Variants in UTRN observed in about 807,000 individuals in gnomAD.
UTRN encodes the protein dystrophin-related protein 1.
Under a neutral mutation model 463.9 loss-of-function variants are expected in UTRN, and 283 were observed. The observed-to-expected ratio is 0.61, with a 90% CI of 0.55 to 0.67. UTRN has a LOEUF of 0.67. Ranked by LOEUF, UTRN falls within the 30% of genes least tolerant of loss-of-function variation. UTRN has a pLI of 0.00. For synonymous variants in UTRN, 1,442 were observed against 1,431.5 expected, an observed-to-expected ratio of 1.01 and a Z score of -0.17; for missense variants, 3,922 against 4,084.3, an observed-to-expected ratio of 0.96 and a Z score of 1.08.
At chr6:144,477,508 T>TTC (rs892865656) in intron 25 of UTRN, among the ~76,000 whole-genome samples, 3 of 150,668 alleles carry the variant, frequency 2.0e-5, no homozygotes, top group Non-Finnish European at 4.4e-5. Context: ...CACATTTGCT[T>TTC]TCTCTCTCTC....
intron 2 of UTRN, among the ~76,000 whole-genome samples, chr6:144,392,277 C>T (rs1218272801): frequency 6.6e-6 from 1 of 152,082 alleles, no homozygotes; most frequent in African/African-American, 2.4e-5. Flanking sequence ...TTTTATTAGA[C>T]AATGTTGTCT....
At chr6:144,828,293 A>G in intron 68 of UTRN, among the ~76,000 whole-genome samples, 1 of 152,142 alleles carries the variant, frequency 6.6e-6, no homozygotes, top group Non-Finnish European at 1.5e-5. Flanking sequence ...GAGCTGGGAA[A>G]GGGCATGGTT....
chr6:144,447,044 A>G (rs186514722), intron 14 of UTRN, among the ~76,000 whole-genome samples, 167 bp from the exon 15 acceptor site: 3 of 152,338 alleles, frequency 2.0e-5, no homozygotes, highest in African/African-American at 7.2e-5. Flanking sequence ...AAAGAAAGGT[A>G]TCTTTCTGGG....
At chr6:144,702,055 G>A (rs981592770) in intron 53 of UTRN, among the ~76,000 whole-genome samples, 7 of 151,970 alleles carry the variant, frequency 4.6e-5, no homozygotes, top group Non-Finnish European at 1.0e-4. Context: ...GTCCCTTTTT[G>A]TGGGTTACAG....
chr6:144,578,340 G>A (rs147735787), intron 51 of UTRN, among the ~76,000 whole-genome samples: 152 of 152,168 alleles, frequency 1.0e-3, no homozygotes, highest in Middle Eastern at 3.4e-3. Context: ...CTGTGAACAC[G>A]TGTTCCATTG....
At chr6:144,337,447 A>G (rs1161860297) in intron 2 of UTRN, among the ~76,000 whole-genome samples, 1 of 152,036 alleles carries the variant, frequency 6.6e-6, no homozygotes, top group African/African-American at 2.4e-5. Flanking sequence ...CTGAAATACA[A>G]CTTCTAGGAG....
rs1170749457 is a variant in UTRN at position 144,531,079 on chromosome 6, G to C, written c.5934G>C (p.Trp1978Cys). Residue 1978 changes from tryptophan to cysteine, a missense_variant, in exon 42 of 75, where the codon TGG (tryptophan) becomes TGC (cysteine). Transcript: ENST00000367545. ...KGCFDRAMEE[W>C]RQFHCDLNDL... ...GTTTTGACAGGGCAATGGAAGAATG[G>C]AGACAGTTCCATTGTGACCTTAATG... is the stretch of plus-strand genomic sequence containing the variant. 2 of 1,613,910 alleles carry C rather than the reference G, an allele frequency of 1.2e-6. No individual in the cohort carries two copies. Among genetic ancestry groups the C allele is most frequent in the South Asian group, 1.1e-5 (1 of 91,056 alleles).
At chr6:144,473,056 G>A (rs1401984337) in intron 23 of UTRN, among the ~76,000 whole-genome samples, 2 of 152,116 alleles carry the variant, frequency 1.3e-5, no homozygotes, top group African/African-American at 4.8e-5. Flanking sequence ...GTGAGCCACC[G>A]TACCTGGCCC....
chr6:144,771,025 G>C (rs1178503320), intron 58 of UTRN, among the ~76,000 whole-genome samples: 2 of 152,178 alleles, frequency 1.3e-5, no homozygotes, highest in Non-Finnish European at 2.9e-5. Context: ...GACTTTTAAG[G>C]TGTAGTGACT....
rs116915711 is a variant in UTRN, at chr6:144,375,877, C to G, written c.80-27246C>G. 5.9e-4 allele frequency among the ~76,000 whole-genome samples: 90 copies of G among 152,336 alleles called. No homozygotes were observed. In the East Asian group the frequency reaches 0.016, roughly 27 times the overall value. On this transcript the variant is annotated intron_variant, in intron 2 of 74. Transcript: ENST00000367545. ...CTTCTGGTCTAGTGCACAGCCTGGT[C>G]TCTGTCAATCAGCACGTTCTGCCTG...
chr6:144,686,550 G>A (rs1028707842), intron 52 of UTRN, among the ~76,000 whole-genome samples: 2 of 151,990 alleles, frequency 1.3e-5, no homozygotes, highest in African/African-American at 4.8e-5. Context: ...AGTAGTAATT[G>A]CTTTCTGAAT....
intron 58 of UTRN, among the ~76,000 whole-genome samples, chr6:144,770,472 T>C (rs922188628): frequency 6.6e-6 from 1 of 152,252 alleles, no homozygotes; most frequent in Non-Finnish European, 1.5e-5. Context: ...TTTAGTTTAC[T>C]AAATAGTTTT....
In UTRN at chr6:144,820,946, A is replaced by G. The variant is rs1174138551; in HGVS notation, c.9422A>G (p.Lys3141Arg). 1 of 1,613,962 alleles carries G rather than the reference A, an allele frequency of 6.2e-7. No individual in the cohort carries two copies. The highest frequency in any genetic ancestry group is 1.6e-4 in the Middle Eastern group (1 of 6,062). ...CTTAAGAACAAGTTCAGGTCGAAGA[A>G]GTACTTTGCCAAACACCCTCGACTT... ...KVLKNKFRSK[K>R]YFAKHPRLGY... Residue 3141 changes from lysine (K) to arginine (R), a missense_variant, in exon 66 of 75, where the codon AAG becomes AGG. Lys to Arg is a conservative substitution (Grantham distance 26, BLOSUM62 2). Transcript: ENST00000367545.
chr6:144,626,636 G>C (rs1775970091), intron 51 of UTRN, among the ~76,000 whole-genome samples: 1 of 152,176 alleles, frequency 6.6e-6, no homozygotes, highest in Admixed American at 6.5e-5. Context: ...AGTTTGTGTT[G>C]TGGCTTTTCT....
At chr6:144,628,820 T>G (rs2128652887) in intron 51 of UTRN, among the ~76,000 whole-genome samples, 1 of 152,188 alleles carries the variant, frequency 6.6e-6, no homozygotes, top group South Asian at 2.1e-4. Flanking sequence ...TCTCATCTCT[T>G]TGGGATACAT....
rs764222341 is a variant in UTRN, at chr6:144,836,510, A to G, written c.10034A>G (p.Gln3345Arg). Residue 3345 changes from glutamine to arginine, a missense_variant, in exon 71 of 75, where the codon CAG becomes CGG. Around this residue, in one of 3 missense-constraint regions of UTRN, gnomAD observed 1,309 missense variants for 1,452.6 expected, o/e 0.90. Transcript: ENST00000367545. ...GATCACAATAAACAGCTGGAGTCTC[A>G]GCTCCACCGCCTCCGACAGCTGCTG... ...LEDHNKQLES[Q>R]LHRLRQLLEQ... The G allele has an allele frequency of 1.2e-6, 2 of 1,613,734 alleles. No individual in the cohort carries two copies. The highest frequency in any genetic ancestry group is 2.7e-5 in the African/African-American group (2 of 74,906).
intron 2 of UTRN, among the ~76,000 whole-genome samples, chr6:144,400,302 A>G (rs527933319): frequency 1.3e-5 from 2 of 152,286 alleles, no homozygotes; most frequent in African/African-American, 4.8e-5. Context: ...TGTTTTGGAG[A>G]AGTTAAAATA....
chr6:144,403,288 C>A, intron 3 of UTRN, 104 bp downstream of exon 3: 1 of 969,628 alleles, frequency 1.0e-6, no homozygotes, highest in Non-Finnish European at 1.6e-6. Flanking sequence ...GTCACCTAGC[C>A]GAAGTCTTCT....
intron 57 of UTRN, among the ~76,000 whole-genome samples, chr6:144,756,445 G>T (rs1458421409): frequency 6.6e-6 from 1 of 152,152 alleles, no homozygotes; most frequent in Non-Finnish European, 1.5e-5. Context: ...ATCCAAGGAG[G>T]TAGAAGTTAT....
Sources: gnomAD v4.1 joint callset for allele counts (sites outside exome capture counted in the v4.1 genomes callset) on GRCh38, gnomAD v4.1.1 for gene constraint, gnomAD v4.1.1 regional missense constraint, MANE v1.5 for transcripts, NCBI Gene and HGNC (gene_info 2026-07-23, HGNC 2026-07-21) for gene names.